Variants in PEX5L observed in about 807,000 individuals in gnomAD.
PEX5L encodes the protein PEX5-related protein.
In PEX5L, 30 loss-of-function variants were observed where a neutral mutation model predicts 84.0. The observed-to-expected ratio is 0.36, with a 90% CI of 0.27 to 0.48. PEX5L has a LOEUF of 0.48. Ranked by LOEUF, PEX5L falls within the 20% of genes least tolerant of loss-of-function variation. PEX5L has a pLI of 0.99. For missense variants in PEX5L, 533 were observed against 754.6 expected (o/e 0.71, Z 3.44); for synonymous variants, 270 against 283.1 (o/e 0.95, Z 0.46).
intron 2 of PEX5L, among the ~76,000 whole-genome samples, chr3:179,910,839 A>C (rs1764916261): frequency 6.6e-6 from 1 of 152,222 alleles, no homozygotes; most frequent in African/African-American, 2.4e-5. Context: ...GTACAAGTTC[A>C]TTTAACTTTT....
chr3:179,872,996 G>C (rs1365040371), intron 7 of PEX5L, among the ~76,000 whole-genome samples: 2 of 152,150 alleles, frequency 1.3e-5, no homozygotes, highest in Non-Finnish European at 2.9e-5. Flanking sequence ...TTGTTTCCCA[G>C]CTAAGATCTG....
intron 2 of PEX5L, among the ~76,000 whole-genome samples, chr3:179,959,428 G>A (rs749450240): frequency 6.6e-6 from 1 of 152,140 alleles, no homozygotes; most frequent in Non-Finnish European, 1.5e-5. Context: ...CAACCATACC[G>A]GCTTCTTAAA....
chr3:179,950,726 A>G (rs1443747745), intron 2 of PEX5L, among the ~76,000 whole-genome samples: 17 of 152,216 alleles, frequency 1.1e-4, no homozygotes, highest in Non-Finnish European at 1.5e-5. Context: ...AGGTAAGATC[A>G]TGATAACATG....
rs141724006 is a variant in PEX5L, at chr3:179,880,124, C to A, written c.311-1G>T. The stretch of plus-strand genomic sequence containing the variant: ...AGGAGATCTAAGCCAGTGGTCAATA[C>A]TACCAGAAATGGAAGAGGTTAAGAT... On this transcript the variant is annotated splice_acceptor_variant, in intron 4 of 14. Coordinates refer to ENST00000467460, the MANE Select transcript of PEX5L (RefSeq NM_016559.3). LOFTEE classifies it high-confidence loss of function. 3.7e-5 allele frequency: 59 copies of A among 1,587,104 alleles called. No homozygotes were observed. In the Admixed American group the frequency reaches 7.7e-4, roughly 21 times the overall value.
At chr3:179,805,792 ACCTT>A (rs1721076141) in intron 14 of PEX5L, among the ~76,000 whole-genome samples, 1 of 151,984 alleles carries the variant, frequency 6.6e-6, no homozygotes, top group African/African-American at 2.4e-5. Context: ...TAAAATTTAC[ACCTT>A]AACGGAGGTG....
intron 2 of PEX5L, among the ~76,000 whole-genome samples, chr3:179,939,407 C>G (rs190750282): frequency 3.9e-5 from 6 of 152,222 alleles, no homozygotes; most frequent in African/African-American, 1.4e-4. Context: ...GGGTTGGGCT[C>G]TGTAATTTGT....
chr3:179,850,306 T>A (rs1211112850), intron 8 of PEX5L, among the ~76,000 whole-genome samples: 3 of 151,996 alleles, frequency 2.0e-5, no homozygotes, highest in Non-Finnish European at 2.9e-5. Context: ...TTTGTACTTT[T>A]AGTAGAGACG....
At chr3:180,027,414 T>A (rs1038920286) in intron 1 of PEX5L, among the ~76,000 whole-genome samples, 7 of 152,234 alleles carry the variant, frequency 4.6e-5, no homozygotes, top group African/African-American at 1.4e-4. Flanking sequence ...CCATAAACCC[T>A]TTCCCCAGAT....
intron 3 of PEX5L, among the ~76,000 whole-genome samples, chr3:179,897,459 C>T (rs1041896236): frequency 6.6e-6 from 1 of 152,042 alleles, no homozygotes; most frequent in Non-Finnish European, 1.5e-5. Context: ...TCACAGTCTC[C>T]ACATGTCTTT....
intron 7 of PEX5L, among the ~76,000 whole-genome samples, chr3:179,860,814 T>C (rs1745825700): frequency 6.6e-6 from 1 of 152,242 alleles, no homozygotes; most frequent in Non-Finnish European, 1.5e-5. Flanking sequence ...TACAGAGAGC[T>C]TAATTCGCTT....
chr3:179,912,078 T>G (rs960461446), intron 2 of PEX5L, among the ~76,000 whole-genome samples: 1 of 152,164 alleles, frequency 6.6e-6, no homozygotes, highest in African/African-American at 2.4e-5. Context: ...ATAAAGGTAT[T>G]GGATCATTTC....
Position 179,811,885 on chromosome 3 carries a change from C to T in PEX5L, c.1084-14G>A, listed in dbSNP as rs1470965213. 6.2e-7 allele frequency: 1 copy of T among 1,604,900 alleles called. No individual in the cohort carries two copies. The highest frequency in any genetic ancestry group is 1.7e-5 in the Admixed American group (1 of 60,010). On this transcript the variant is annotated splice_polypyrimidine_tract_variant and intron_variant, in intron 10 of 14. Transcript: ENST00000467460. ...GAACTGCCATGCCTACGAAAGACAA[C>T]TGATGTTAACATTGCAAGATGAAGC...
chr3:179,971,451 C>T, intron 2 of PEX5L, 143 bp downstream of exon 2: 1 of 1,234,696 alleles, frequency 8.1e-7, no homozygotes, highest in Non-Finnish European at 1.0e-6. Context: ...TATGGAGCGG[C>T]TTAGCTGCTC....
At position 179,971,669 on chromosome 3, in the gene PEX5L, G is replaced by C. The variant is rs909747457; in HGVS notation, c.22-4C>G. On this transcript the variant is annotated splice_polypyrimidine_tract_variant and splice_region_variant and intron_variant, in intron 1 of 14. Coordinates refer to ENST00000467460, the MANE Select transcript of PEX5L (RefSeq NM_016559.3). ...CATATCCTTGTTCTTTACTTTTCTTGTGAAAGAATAATTTTAAATGATCAT... is the reference window on the plus strand; with the variant it reads ...CATATCCTTGTTCTTTACTTTTCTTCTGAAAGAATAATTTTAAATGATCAT... The C allele has an allele frequency of 6.3e-7, 1 of 1,593,508 alleles. No homozygotes were observed. Among genetic ancestry groups the C allele is most frequent in the African/African-American group, 1.3e-5 (1 of 74,164 alleles).
intron 2 of PEX5L, among the ~76,000 whole-genome samples, chr3:179,914,383 G>A (rs1347729417): frequency 6.6e-6 from 1 of 152,182 alleles, no homozygotes; most frequent in East Asian, 1.9e-4. Flanking sequence ...TGCAGAGGCT[G>A]TTTCCTTCAC....
In PEX5L at chr3:180,024,347, AATAT is replaced by A. The variant is rs148495757; in HGVS notation, c.21+12228_21+12231del. 3.8e-4 allele frequency among the ~76,000 whole-genome samples: 41 copies of A among 107,654 alleles called. 2 individuals carry two copies. Among genetic ancestry groups the A allele is most frequent in the African/African-American group, 1.2e-3 (31 of 26,244 alleles). 70.6% of individuals were successfully genotyped at this position (107,654 alleles called of 152,430 possible). On this transcript the variant is annotated intron_variant, in intron 1 of 14. Coordinates refer to ENST00000467460, the MANE Select transcript of PEX5L (RefSeq NM_016559.3). ...ACACTGTGAAACCCCGTCCCTACTA[AATAT>A]ATATATATATATATATATATATACA...
intron 1 of PEX5L, among the ~76,000 whole-genome samples, chr3:180,006,919 A>G (rs1191002030): frequency 1.3e-5 from 2 of 152,150 alleles, no homozygotes; most frequent in South Asian, 4.1e-4. Context: ...CAGCCAAACC[A>G]TACGATTCCA....
At chr3:180,027,350 T>G (rs942752375) in intron 1 of PEX5L, among the ~76,000 whole-genome samples, 1 of 152,326 alleles carries the variant, frequency 6.6e-6, no homozygotes, top group East Asian at 1.9e-4. Context: ...ATTATTTATT[T>G]TGAAATAGTC....
intron 7 of PEX5L, among the ~76,000 whole-genome samples, chr3:179,865,725 C>G (rs186143491): frequency 6.6e-6 from 1 of 152,244 alleles, no homozygotes; most frequent in East Asian, 1.9e-4. Context: ...CACTGGAAGG[C>G]CTTGTTAAAA....
Sources: gnomAD v4.1 joint callset for allele counts (sites outside exome capture counted in the v4.1 genomes callset) on GRCh38, gnomAD v4.1.1 for gene constraint, MANE v1.5 for transcripts, NCBI Gene and HGNC (gene_info 2026-07-23, HGNC 2026-07-21) for gene names.